Variants in WDR47 observed in about 807,000 individuals in gnomAD.
WDR47 encodes the protein WD repeat-containing protein 47.
In WDR47, 32 loss-of-function variants were observed where a neutral mutation model predicts 97.2. The ratio of observed to expected loss-of-function variants is 0.33; its 90% confidence interval spans 0.25 to 0.44. The LOEUF (loss-of-function observed/expected upper bound fraction) is 0.44, where lower values mean the gene tolerates loss of function less well. Ranked by LOEUF, WDR47 falls within the 20% of genes least tolerant of loss-of-function variation. The pLI is 1.00. For synonymous variants in WDR47, 375 were observed against 373.5 expected, an observed-to-expected ratio of 1.00 and a Z score of -0.05; for missense variants, 782 against 1,102.3, an observed-to-expected ratio of 0.71 and a Z score of 4.11.
intron 4 of WDR47, among the ~76,000 whole-genome samples, chr1:109,012,949 T>A (rs999339069): frequency 6.6e-5 from 10 of 152,204 alleles, no homozygotes; most frequent in Non-Finnish European, 1.5e-4. Context: ...TTTGCCTCAG[T>A]CTGAATGTTT....
chr1:109,025,990 C>G (rs1269934414), intron 1 of WDR47, among the ~76,000 whole-genome samples: 2 of 152,092 alleles, frequency 1.3e-5, no homozygotes, highest in African/African-American at 4.8e-5. Flanking sequence ...TCCTCCTGTT[C>G]ACAGACTTCG....
At chr1:109,011,860 G>T in intron 4 of WDR47, 142 bp from the exon 5 acceptor site, 1 of 747,714 alleles carries the variant, frequency 1.3e-6, no homozygotes, top group South Asian at 2.4e-5. Context: ...TTTCAAGATA[G>T]GAACATAATG....
At chr1:108,993,170 C>T (rs1326983496) in intron 8 of WDR47, among the ~76,000 whole-genome samples, 1 of 151,992 alleles carries the variant, frequency 6.6e-6, no homozygotes, top group Non-Finnish European at 1.5e-5. Flanking sequence ...ACTAAAAATA[C>T]AAAAATTAGT....
intron 4 of WDR47, among the ~76,000 whole-genome samples, chr1:109,012,690 A>C (rs1349169731): frequency 1.3e-5 from 2 of 152,086 alleles, no homozygotes; most frequent in African/African-American, 2.4e-5. Flanking sequence ...TGTATAGTGA[A>C]TATTGTCTTT....
chr1:108,988,780 T>C (rs2790738), intron 9 of WDR47, among the ~76,000 whole-genome samples: 4 of 152,106 alleles, frequency 2.6e-5, no homozygotes, highest in Non-Finnish European at 5.9e-5. Context: ...TTTTTTGAGA[T>C]GGAGTATCGC....
Position 108,986,510 on chromosome 1 carries a change from C to A in WDR47, c.1925+13G>T. The A allele has an allele frequency of 1.3e-6, 2 of 1,592,080 alleles. No homozygotes were observed. Among genetic ancestry groups the A allele is most frequent in the Non-Finnish European group, 1.7e-6 (2 of 1,168,932 alleles). On this transcript the variant is annotated intron_variant, in intron 10 of 14. Coordinates refer to ENST00000369962, the MANE Select transcript of WDR47 (RefSeq NM_001142551.2). The stretch of plus-strand genomic sequence containing the variant: ...CTAAGGTAAGAATGGCAGCACAAAT[C>A]ATTGATCCTTACCTTGGATCAATTA...
chr1:109,025,734 G>A (rs1027049577), intron 1 of WDR47, among the ~76,000 whole-genome samples: 3 of 151,650 alleles, frequency 2.0e-5, no homozygotes, highest in Non-Finnish European at 4.4e-5. Flanking sequence ...ACTCCATCTC[G>A]GAAAAAGAAA....
Position 108,997,780 on chromosome 1 carries a change from A to AG in WDR47, c.1434-1944dup, listed in dbSNP as rs1557932826. Reference sequence around the variant, plus strand: ...ATCTCAAAAAAAAAAAAAAAAAGAAAGAAGGAAGGAAAGGAAAGGGGAAAG... The same window carrying AG: ...ATCTCAAAAAAAAAAAAAAAAAGAAAGGAAGGAAGGAAAGGAAAGGGGAAAG... On this transcript the variant is annotated intron_variant, in intron 7 of 14. Coordinates refer to ENST00000369962, the MANE Select transcript of WDR47 (RefSeq NM_001142551.2). Among the ~76,000 whole-genome samples the AG allele has an allele frequency of 2.7e-5, 4 of 149,988 alleles. 1 individual carries two copies. Among genetic ancestry groups the AG allele is most frequent in the African/African-American group, 1.0e-4 (4 of 40,188 alleles).
intron 14 of WDR47, among the ~76,000 whole-genome samples, chr1:108,972,591 G>C (rs777660637): frequency 6.6e-6 from 1 of 152,034 alleles, no homozygotes; most frequent in Admixed American, 6.6e-5. Flanking sequence ...GGAAATCTCC[G>C]TATCTCTCAA....
chr1:109,037,451 CCT>C (rs1300519067), intron 1 of WDR47, among the ~76,000 whole-genome samples: 3 of 151,416 alleles, frequency 2.0e-5, no homozygotes, highest in East Asian at 1.9e-4. Flanking sequence ...ACAGTGAAAC[CCT>C]GTCTCTACTA....
intron 14 of WDR47, among the ~76,000 whole-genome samples, chr1:108,973,088 T>C (rs1657605052): frequency 1.3e-5 from 2 of 152,186 alleles, no homozygotes; most frequent in African/African-American, 4.8e-5. Context: ...TTCAGCATCT[T>C]TATACTTGCT....
At chr1:108,973,967 G>T (rs548024651) in intron 14 of WDR47, among the ~76,000 whole-genome samples, 1 of 151,432 alleles carries the variant, frequency 6.6e-6, no homozygotes, top group East Asian at 2.0e-4. Flanking sequence ...GCCAATGCAG[G>T]CAGATCGCTT....
rs778974343 is a variant in WDR47, at chr1:109,011,106, T to C, written c.940A>G (p.Asn314Asp). 1.9e-6 allele frequency: 3 copies of C among 1,614,002 alleles called. No homozygotes were observed. ...CAGGTGAGGCCATCTAAAGCAGGAT[T>C]CAGAGAGCGGGTCATATAGGCATCA... is the stretch of plus-strand genomic sequence containing the variant. ...SADAYMTRSL[N>D]PALDGLTCGL... Residue 314 changes from asparagine to aspartate, a missense_variant, in exon 5 of 15, where the codon AAT (asparagine) becomes GAT (aspartate). Around this residue, in one of 3 missense-constraint regions of WDR47, gnomAD observed 428 missense variants for 584.3 expected, o/e 0.73. Transcript: ENST00000369962.
chr1:109,024,685 C>T (rs528402019), intron 1 of WDR47, among the ~76,000 whole-genome samples: 54 of 152,268 alleles, frequency 3.5e-4, no homozygotes, highest in Non-Finnish European at 4.6e-4. Flanking sequence ...TAAACTGTTA[C>T]AGTTTTCAAA....
In WDR47 at chr1:108,999,675, A is replaced by G. The variant is rs917217633; in HGVS notation, c.1433+2549T>C. Among the ~76,000 whole-genome samples the G allele has an allele frequency of 1.8e-4, 28 of 152,104 alleles. 1 individual carries two copies. The East Asian group carries it at 5.4e-3, about 29-fold the overall frequency. On this transcript the variant is annotated intron_variant, in intron 7 of 14. Transcript: ENST00000369962. Reference sequence around the variant, plus strand: ...GGCAACAGAGCGAGACCCTGTCTCAAATTAAAAAAAAAAAAAAGAATTTAA... The same window carrying G: ...GGCAACAGAGCGAGACCCTGTCTCAGATTAAAAAAAAAAAAAAGAATTTAA...
intron 7 of WDR47, among the ~76,000 whole-genome samples, chr1:108,999,152 G>A (rs1465132687): frequency 6.6e-6 from 1 of 151,768 alleles, no homozygotes; most frequent in Non-Finnish European, 1.5e-5. Context: ...ACTTAAACCT[G>A]GGAGGCAGAG....
chr1:109,004,047 G>A (rs568556464), intron 6 of WDR47, among the ~76,000 whole-genome samples: 15 of 152,106 alleles, frequency 9.9e-5, no homozygotes, highest in African/African-American at 3.4e-4. Flanking sequence ...GGCGGATCAC[G>A]AGGTCAGGAG....
chr1:109,006,341 C>T (rs1377696758), intron 5 of WDR47, among the ~76,000 whole-genome samples: 1 of 150,374 alleles, frequency 6.7e-6, no homozygotes, highest in Non-Finnish European at 1.5e-5. Context: ...TGTGGTGAGC[C>T]GAGATCGCGC....
In WDR47 at chr1:109,026,159, G is replaced by A. The variant is rs142113720; in HGVS notation, c.-9-2638C>T. ...CCTCCCAGGCTCAAGTGATCCTCCCGCTTCAGCCTTCCAAGTACCTGGGAT... is the reference window on the plus strand; with the variant it reads ...CCTCCCAGGCTCAAGTGATCCTCCCACTTCAGCCTTCCAAGTACCTGGGAT... On this transcript the variant is annotated intron_variant, in intron 1 of 14. Transcript: ENST00000369962. 6.6e-3 allele frequency among the ~76,000 whole-genome samples: 994 copies of A among 151,684 alleles called. 4 individuals are homozygous for A. The highest frequency in any genetic ancestry group is 0.022 in the African/African-American group (910 of 41,334).
Sources: gnomAD v4.1 joint callset for allele counts (sites outside exome capture counted in the v4.1 genomes callset) on GRCh38, gnomAD v4.1.1 for gene constraint, gnomAD v4.1.1 regional missense constraint, MANE v1.5 for transcripts, NCBI Gene and HGNC (gene_info 2026-07-23, HGNC 2026-07-21) for gene names.